RABGAP1L: variants seen among roughly 807,000 people sequenced by gnomAD.
The protein encoded by RABGAP1L is rab GTPase-activating protein 1-like.
RABGAP1L carries 63 observed loss-of-function variants against 137.7 expected under a neutral mutation model. That is an observed-to-expected ratio of 0.46 (90% CI 0.37 to 0.56). RABGAP1L has a LOEUF of 0.56. Among genes scored for constraint, RABGAP1L ranks in the 20% least tolerant of loss-of-function variants. The pLI is 0.00. For synonymous variants in RABGAP1L, 431 were observed against 433.7 expected, an observed-to-expected ratio of 0.99 and a Z score of 0.08; for missense variants, 1,095 against 1,244.0, an observed-to-expected ratio of 0.88 and a Z score of 1.80.
intron 13 of RABGAP1L, among the ~76,000 whole-genome samples, chr1:174,497,730 A>G (rs984908153): frequency 2.0e-5 from 3 of 152,188 alleles, no homozygotes; most frequent in African/African-American, 7.2e-5. Flanking sequence ...CTCTCAGTCC[A>G]ACAAAGACTG....
chr1:174,749,296 T>C (rs1684146256), intron 17 of RABGAP1L, among the ~76,000 whole-genome samples: 1 of 151,862 alleles, frequency 6.6e-6, no homozygotes, highest in African/African-American at 2.4e-5. Context: ...GATTCAAAAA[T>C]GTTATCTTTT....
At chr1:174,662,913 A>T (rs1369120954) in intron 14 of RABGAP1L, among the ~76,000 whole-genome samples, 1 of 152,258 alleles carries the variant, frequency 6.6e-6, no homozygotes, top group African/African-American at 2.4e-5. Context: ...AAAATGTTAT[A>T]GAACAAGGAT....
chr1:174,974,307 G>A (rs1388526627), intron 21 of RABGAP1L, among the ~76,000 whole-genome samples: 1 of 152,088 alleles, frequency 6.6e-6, no homozygotes, highest in Non-Finnish European at 1.5e-5. Context: ...TGCTCTCAAA[G>A]TGCCACTCTG....
chr1:174,291,308 A>C (rs1306758391), intron 10 of RABGAP1L, among the ~76,000 whole-genome samples: 1 of 152,112 alleles, frequency 6.6e-6, no homozygotes, highest in East Asian at 1.9e-4. Flanking sequence ...TTCCTTAGGA[A>C]AAGTCACCCT....
rs144141630 is a variant in RABGAP1L at position 174,812,426 on chromosome 1, G to A, written c.2340+466G>A. The stretch of plus-strand genomic sequence containing the variant: ...GTGGATACATTGGTCCATGTCACAT[G>A]TCTGATAAAGCTAAACACATTTTAT... On this transcript the variant is annotated intron_variant, in intron 19 of 25. Coordinates refer to ENST00000681986, the MANE Select transcript of RABGAP1L (RefSeq NM_001366446.1). 8.7e-4 allele frequency among the ~76,000 whole-genome samples: 133 copies of A among 152,308 alleles called. 1 individual carries two copies. Among genetic ancestry groups the A allele is most frequent in the African/African-American group, 3.0e-3 (123 of 41,572 alleles).
At chr1:174,422,474 T>G (rs1403275737) in intron 13 of RABGAP1L, among the ~76,000 whole-genome samples, 1 of 152,138 alleles carries the variant, frequency 6.6e-6, no homozygotes, top group Non-Finnish European at 1.5e-5. Flanking sequence ...TTCACAGACA[T>G]TCATAGTTTA....
intron 13 of RABGAP1L, among the ~76,000 whole-genome samples, chr1:174,542,056 T>G (rs1327209702): frequency 6.6e-6 from 1 of 152,206 alleles, no homozygotes; most frequent in Non-Finnish European, 1.5e-5. Context: ...AAAATTCTCT[T>G]TTTTTGTTGT....
chr1:174,219,083 T>C (rs1379213941), intron 1 of RABGAP1L, 42 bp from the exon 2 acceptor site: 8 of 1,394,618 alleles, frequency 5.7e-6, no homozygotes, highest in Non-Finnish European at 7.8e-6. Flanking sequence ...TTCATGTTTT[T>C]AATCAGTAGG....
chr1:174,259,909 A>G (rs1045935443), intron 7 of RABGAP1L, among the ~76,000 whole-genome samples: 1 of 150,410 alleles, frequency 6.6e-6, no homozygotes, highest in South Asian at 2.1e-4. Context: ...ATCTTGGCTC[A>G]CTGCAACCTC....
At chr1:174,564,043 T>TCCATCAGAGTTTGTGTGCC (rs1667404178) in intron 13 of RABGAP1L, among the ~76,000 whole-genome samples, 1 of 152,162 alleles carries the variant, frequency 6.6e-6, no homozygotes, top group African/African-American at 2.4e-5. Context: ...ATAAGGGGTA[T>TCCATCAGAGTTTGTGTGCC]CCATCAGAGT....
chr1:174,866,106 AG>A (rs1300046168), intron 19 of RABGAP1L, among the ~76,000 whole-genome samples: 1 of 100,888 alleles, frequency 9.9e-6, no homozygotes, highest in Non-Finnish European at 2.0e-5. Context: ...AGAGGGAGGG[AG>A]GGGGAGAGAG....
chr1:174,578,733 A>G (rs1466751261), intron 13 of RABGAP1L, among the ~76,000 whole-genome samples: 1 of 152,106 alleles, frequency 6.6e-6, no homozygotes, highest in Non-Finnish European at 1.5e-5. Flanking sequence ...AAATTTAATG[A>G]CCTTTCTAAT....
At chr1:174,747,401 C>CT (rs1438028992) in intron 17 of RABGAP1L, among the ~76,000 whole-genome samples, 1 of 90,284 alleles carries the variant, frequency 1.1e-5, no homozygotes, top group East Asian at 4.7e-4. Flanking sequence ...AATTCTATCT[C>CT]TAAAAAAAAA....
chr1:174,879,979 G>A (rs1653883931), intron 19 of RABGAP1L, among the ~76,000 whole-genome samples: 1 of 150,870 alleles, frequency 6.6e-6, no homozygotes, highest in Admixed American at 6.6e-5. Context: ...CATAATCTCA[G>A]CTACTCAGGA....
chr1:174,708,648 A>G (rs1680242333), intron 17 of RABGAP1L, among the ~76,000 whole-genome samples: 3 of 152,168 alleles, frequency 2.0e-5, no homozygotes, highest in South Asian at 4.1e-4. Flanking sequence ...TTCGCAACCT[A>G]CAGACCAGGA....
At chr1:174,856,619 A>G (rs751796469) in intron 19 of RABGAP1L, among the ~76,000 whole-genome samples, 22 of 151,902 alleles carry the variant, frequency 1.4e-4, no homozygotes, top group Admixed American at 6.6e-4. Flanking sequence ...TATTTTATGT[A>G]TTTTATATTA....
At chr1:174,589,206 G>C (rs914096100) in intron 13 of RABGAP1L, among the ~76,000 whole-genome samples, 1 of 152,148 alleles carries the variant, frequency 6.6e-6, no homozygotes, top group African/African-American at 2.4e-5. Context: ...GATTGATGAT[G>C]TTGAGCACTT....
At chr1:174,853,079 T>C (rs977534816) in intron 19 of RABGAP1L, among the ~76,000 whole-genome samples, 1 of 152,106 alleles carries the variant, frequency 6.6e-6, no homozygotes, top group Admixed American at 6.5e-5. Flanking sequence ...CTGTTGTGGA[T>C]TGAGGCATTT....
At chr1:174,445,998 T>A (rs1233930476) in intron 13 of RABGAP1L, among the ~76,000 whole-genome samples, 1 of 152,192 alleles carries the variant, frequency 6.6e-6, no homozygotes, top group Non-Finnish European at 1.5e-5. Flanking sequence ...AGTGACAGTT[T>A]CAGCTGCAGT....
Sources: allele counts gnomAD v4.1 joint callset (sites outside exome capture counted in the v4.1 genomes callset), GRCh38; gene constraint gnomAD v4.1.1; transcripts MANE v1.5; gene names NCBI Gene and HGNC (gene_info 2026-07-23, HGNC 2026-07-21).